Variants in WWOX observed in about 807,000 individuals in gnomAD.
WWOX encodes WW domain-containing oxidoreductase.
In WWOX, 69 loss-of-function variants were observed where a neutral mutation model predicts 46.2. The observed-to-expected ratio is 1.49, with a 90% confidence interval of 1.23 to 1.82. The LOEUF is 1.82. Among genes scored for constraint, WWOX ranks in the 40% most tolerant of loss-of-function variants. The probability of loss-of-function intolerance (pLI) is 0.00; values close to 1 mark genes in which losing one functional copy is unlikely to be tolerated. For missense variants in WWOX, 919 were observed against 542.6 expected (o/e 1.69, Z -6.89); for synonymous variants, 359 against 202.6 (o/e 1.77, Z -6.56).
chr16:78,947,379 C>A (rs1010383645), intron 8 of WWOX, among the ~76,000 whole-genome samples: 3 of 152,126 alleles, frequency 2.0e-5, no homozygotes, highest in African/African-American at 7.2e-5. Flanking sequence ...TCTCTTCCCC[C>A]CCTTAGCTGT....
At chr16:79,207,401 A>C (rs909848784) in intron 8 of WWOX, among the ~76,000 whole-genome samples, 2 of 152,248 alleles carry the variant, frequency 1.3e-5, no homozygotes, top group Non-Finnish European at 2.9e-5. Flanking sequence ...TCATGGGAAC[A>C]CTGCCGTCTT....
intron 5 of WWOX, among the ~76,000 whole-genome samples, chr16:78,358,030 TAATG>T (rs1036804419): frequency 8.5e-5 from 13 of 152,178 alleles, no homozygotes; most frequent in Non-Finnish European, 1.8e-4. Flanking sequence ...AGAACACACA[TAATG>T]AACCATATGC....
At chr16:78,471,143 A>C (rs568272575) in intron 8 of WWOX, among the ~76,000 whole-genome samples, 172 of 152,336 alleles carry the variant, frequency 1.1e-3, no homozygotes, top group African/African-American at 4.1e-3. Flanking sequence ...GAAAAGTCAA[A>C]AGAATGACAG....
At chr16:79,064,289 G>A (rs942466625) in intron 8 of WWOX, among the ~76,000 whole-genome samples, 1 of 152,202 alleles carries the variant, frequency 6.6e-6, no homozygotes, top group Non-Finnish European at 1.5e-5. Context: ...AGACAACCTG[G>A]TTGAGAATTT....
intron 4 of WWOX, among the ~76,000 whole-genome samples, chr16:78,144,031 C>G (rs890558449): frequency 6.6e-6 from 1 of 152,106 alleles, no homozygotes; most frequent in Admixed American, 6.5e-5. Flanking sequence ...AGTGTGTACA[C>G]ACACATAAAC....
chr16:78,667,578 G>A (rs2047360475), intron 8 of WWOX, among the ~76,000 whole-genome samples: 1 of 149,350 alleles, frequency 6.7e-6, no homozygotes, highest in Admixed American at 6.7e-5. Flanking sequence ...GACTGAGGCA[G>A]GAGAATGGCA....
chr16:78,825,342 G>A (rs980358320), intron 8 of WWOX: 4 of 310,608 alleles, frequency 1.3e-5, no homozygotes, highest in South Asian at 3.6e-5. Context: ...AAAGCTGAAC[G>A]GAATCAGTTT....
At chr16:79,074,394 G>GAAAT (rs1345929181) in intron 8 of WWOX, among the ~76,000 whole-genome samples, 2 of 109,880 alleles carry the variant, frequency 1.8e-5, no homozygotes, top group Non-Finnish European at 3.7e-5. Context: ...CATCCTGACT[G>GAAAT]AAATGTCACT....
chr16:78,747,570 C>A (rs1031592352), intron 8 of WWOX, among the ~76,000 whole-genome samples: 7 of 152,148 alleles, frequency 4.6e-5, no homozygotes, highest in African/African-American at 1.7e-4. Context: ...GCTAAGAGAG[C>A]CTTGGCAAGC....
intron 8 of WWOX, among the ~76,000 whole-genome samples, chr16:78,544,316 T>C (rs56124910): frequency 6.6e-6 from 1 of 152,218 alleles, no homozygotes; most frequent in African/African-American, 2.4e-5. Flanking sequence ...TCCTTAATAA[T>C]ACAATCATAG....
At chr16:78,250,347 G>A (rs965958356) in intron 5 of WWOX, among the ~76,000 whole-genome samples, 8 of 152,144 alleles carry the variant, frequency 5.3e-5, no homozygotes, top group Non-Finnish European at 1.0e-4. Context: ...GTAACTTTAG[G>A]CAAATAATGT....
intron 8 of WWOX, chr16:78,826,143 T>G (rs929251721): frequency 7.2e-5 from 19 of 262,924 alleles, no homozygotes; most frequent in African/African-American, 3.1e-4. Context: ...TCACTTGAGG[T>G]CAAGAGTTCA....
intron 6 of WWOX, among the ~76,000 whole-genome samples, chr16:78,419,322 G>A (rs923102175): frequency 2.4e-4 from 37 of 152,044 alleles, no homozygotes; most frequent in African/African-American, 8.9e-4. Flanking sequence ...AAAGGAACCT[G>A]AATAACCAAA....
chr16:78,927,487 G>A (rs1283707565), intron 8 of WWOX, among the ~76,000 whole-genome samples: 1 of 152,100 alleles, frequency 6.6e-6, no homozygotes, highest in Non-Finnish European at 1.5e-5. Context: ...CCTTGCCTCA[G>A]CACGGAGCCC....
chr16:78,471,507 T>G (rs2084219835), intron 8 of WWOX, among the ~76,000 whole-genome samples: 1 of 152,202 alleles, frequency 6.6e-6, no homozygotes, highest in Admixed American at 6.5e-5. Flanking sequence ...ACCAGCACCT[T>G]TTGATTGTGG....
At position 79,009,427 on chromosome 16, in the gene WWOX, G is replaced by T. The variant is rs561046528; in HGVS notation, c.1057-202181G>T. 2.6e-5 allele frequency among the ~76,000 whole-genome samples: 4 copies of T among 152,138 alleles called. 1 individual carries two copies. Among genetic ancestry groups the T allele is most frequent in the African/African-American group, 9.6e-5 (4 of 41,504 alleles). ...GTTGGGAAGAGAGGAGTGGGCAAAA[G>T]GAGACACTGGGGCTTCTGTGACTTT... On this transcript the variant is annotated intron_variant, in intron 8 of 8. Coordinates refer to ENST00000566780, the MANE Select transcript of WWOX (RefSeq NM_016373.4).
intron 8 of WWOX, among the ~76,000 whole-genome samples, chr16:78,486,767 G>A (rs1329271927): frequency 6.6e-6 from 1 of 152,090 alleles, no homozygotes; most frequent in Non-Finnish European, 1.5e-5. Context: ...TGAGATAAGG[G>A]TTTACTGTCT....
chr16:78,457,017 G>C (rs376102055), intron 8 of WWOX, among the ~76,000 whole-genome samples: 44 of 152,314 alleles, frequency 2.9e-4, no homozygotes, highest in Middle Eastern at 3.4e-3. Context: ...GATGCTACTG[G>C]CAGGATGGTT....
intron 8 of WWOX, among the ~76,000 whole-genome samples, chr16:79,033,732 A>G (rs2047811493): frequency 6.6e-6 from 1 of 152,206 alleles, no homozygotes; most frequent in South Asian, 2.1e-4. Flanking sequence ...CCCCAAGCCC[A>G]GCCCCTGGCA....
Sources: gnomAD v4.1 joint callset for allele counts (sites outside exome capture counted in the v4.1 genomes callset) on GRCh38, gnomAD v4.1.1 for gene constraint, MANE v1.5 for transcripts, NCBI Gene and HGNC (gene_info 2026-07-23, HGNC 2026-07-21) for gene names.